Variants in ST8SIA6 observed in about 807,000 individuals in gnomAD.
ST8SIA6 encodes the protein alpha-2,8-sialyltransferase 8F.
A neutral mutation model predicts 33.6 loss-of-function variants in ST8SIA6; 39 were observed. That is an observed-to-expected ratio of 1.16 (90% CI 0.90 to 1.52). The LOEUF (loss-of-function observed/expected upper bound fraction) is 1.52, where lower values mean the gene tolerates loss of function less well. Ranked by LOEUF, ST8SIA6 falls within the 40% of genes most tolerant of loss-of-function variation. The pLI is 0.00. For synonymous variants in ST8SIA6, 172 were observed against 167.2 expected (o/e 1.03, Z -0.22); for missense variants, 441 against 443.8 (o/e 0.99, Z 0.06).
At chr10:17,446,988 C>CA (rs1466574733) in intron 2 of ST8SIA6, among the ~76,000 whole-genome samples, 1 of 127,412 alleles carries the variant, frequency 7.8e-6, no homozygotes, top group Non-Finnish European at 1.6e-5. Context: ...GCAGAGGTTG[C>CA]AGTGAGCCAA....
At chr10:17,432,113 G>C (rs1349514441) in intron 2 of ST8SIA6, among the ~76,000 whole-genome samples, 1 of 152,168 alleles carries the variant, frequency 6.6e-6, no homozygotes, top group Non-Finnish European at 1.5e-5. Context: ...CAAGGCGCCA[G>C]AGCATACTAT....
In ST8SIA6 at chr10:17,319,210, G is replaced by A. The variant is rs1197524813; in HGVS notation, c.*1668C>T. ...ATCAGCTATGTAAATCATAAAACAT[G>A]CGTCACAGTTCTTGTCGCTCTGTAA... On this transcript the variant is annotated 3_prime_UTR_variant, in exon 8 of 8. Coordinates refer to ENST00000377602, the MANE Select transcript of ST8SIA6 (RefSeq NM_001004470.3). 9.9e-5 allele frequency among the ~76,000 whole-genome samples: 15 copies of A among 152,156 alleles called. No individual in the cohort carries two copies. Among genetic ancestry groups the A allele is most frequent in the Admixed American group, 9.8e-4 (15 of 15,270 alleles).
intron 4 of ST8SIA6, among the ~76,000 whole-genome samples, chr10:17,354,047 A>G (rs1849115500): frequency 6.6e-6 from 1 of 152,216 alleles, no homozygotes; most frequent in African/African-American, 2.4e-5. Flanking sequence ...AAACTATTCA[A>G]GAAAGCTAAT....
chr10:17,354,283 C>T (rs181467272), intron 4 of ST8SIA6, among the ~76,000 whole-genome samples: 1 of 152,222 alleles, frequency 6.6e-6, no homozygotes, highest in Admixed American at 6.5e-5. Context: ...GTGTCACGCT[C>T]AAGCAAATGA....
At chr10:17,394,327 T>C (rs1043314209) in intron 2 of ST8SIA6, among the ~76,000 whole-genome samples, 2 of 151,054 alleles carry the variant, frequency 1.3e-5, no homozygotes, top group African/African-American at 4.9e-5. Flanking sequence ...TCTCTGACTT[T>C]AGCTCTTGAG....
Position 17,321,286 on chromosome 10 carries a change from A to C in ST8SIA6, c.789T>G (p.Asp263Glu), listed in dbSNP as rs1276700371. Residue 263 changes from aspartate (D) to glutamate (E), a missense_variant, in exon 8 of 8, where the codon GAT (aspartate) becomes GAG (glutamate). Transcript: ENST00000377602. Reference sequence around the variant, plus strand: ...AAAATGCTGGCAGAAGAAAAAATGCATCTCCATAGGTTGCAATGTCCTCCA... The same window carrying C: ...AAAATGCTGGCAGAAGAAAAAATGCCTCTCCATAGGTTGCAATGTCCTCCA... ...LFLEDIATYG[D>E]AFFLLPAFSF... 3 of 1,613,968 alleles carry C rather than the reference A, an allele frequency of 1.9e-6. No homozygotes were observed. Among genetic ancestry groups the C allele is most frequent in the Non-Finnish European group, 2.5e-6 (3 of 1,179,920 alleles).
At chr10:17,422,009 A>G (rs943806218) in intron 2 of ST8SIA6, among the ~76,000 whole-genome samples, 6 of 151,896 alleles carry the variant, frequency 4.0e-5, no homozygotes, top group Non-Finnish European at 7.4e-5. Flanking sequence ...AGACTATACT[A>G]TAGATTTTAT....
At chr10:17,385,219 C>G (rs442395) in intron 3 of ST8SIA6, among the ~76,000 whole-genome samples, 59,847 of 151,998 alleles carry the variant, frequency 0.39, 12,205 homozygotes, top group East Asian at 0.64. Context: ...GGCCTTCCTT[C>G]GAAAAGCTCA....
At chr10:17,407,366 C>G (rs1296026318) in intron 2 of ST8SIA6, among the ~76,000 whole-genome samples, 6 of 152,164 alleles carry the variant, frequency 3.9e-5, no homozygotes, top group Non-Finnish European at 1.5e-5. Context: ...TGACACTTGC[C>G]ATCAGAGGGC....
intron 3 of ST8SIA6, among the ~76,000 whole-genome samples, chr10:17,360,730 A>AG (rs2131619094): frequency 6.6e-6 from 1 of 152,220 alleles, no homozygotes; most frequent in Admixed American, 6.5e-5. Context: ...AATAATCCAA[A>AG]GGCAGGCAGA....
chr10:17,404,549 A>C (rs1015121352), intron 2 of ST8SIA6, among the ~76,000 whole-genome samples: 7 of 152,124 alleles, frequency 4.6e-5, no homozygotes, highest in Admixed American at 1.3e-4. Context: ...GTTTGGCCAG[A>C]ATCCCCTATG....
At chr10:17,453,042 A>AAG (rs202239675) in intron 2 of ST8SIA6, among the ~76,000 whole-genome samples, 1,936 of 152,128 alleles carry the variant, frequency 0.013, 32 homozygotes, top group African/African-American at 0.044. Context: ...AATCTGAAAA[A>AAG]AAAACAATTA....
intron 4 of ST8SIA6, among the ~76,000 whole-genome samples, chr10:17,332,514 G>A: frequency 6.6e-6 from 1 of 152,248 alleles, no homozygotes; most frequent in Non-Finnish European, 1.5e-5. Context: ...TCCCACACTG[G>A]AGTACAGTAG....
chr10:17,347,248 A>G (rs1848868109), intron 4 of ST8SIA6, among the ~76,000 whole-genome samples: 1 of 152,182 alleles, frequency 6.6e-6, no homozygotes, highest in African/African-American at 2.4e-5. Flanking sequence ...CAGACCAGAG[A>G]TGGGTGGTGA....
intron 3 of ST8SIA6, among the ~76,000 whole-genome samples, chr10:17,360,918 AGG>A (rs570135781): frequency 7.6e-6 from 1 of 131,010 alleles, no homozygotes; most frequent in Non-Finnish European, 1.6e-5. Flanking sequence ...AAGAGGAAGA[AGG>A]GAAGAAGAAG....
chr10:17,418,758 C>T (rs766403233), intron 2 of ST8SIA6, among the ~76,000 whole-genome samples: 15 of 152,110 alleles, frequency 9.9e-5, no homozygotes, highest in Non-Finnish European at 1.8e-4. Flanking sequence ...TTTGGGAGGC[C>T]GAGGCAGGTG....
At chr10:17,447,935 C>G (rs111662497) in intron 2 of ST8SIA6, among the ~76,000 whole-genome samples, 3,364 of 152,082 alleles carry the variant, frequency 0.022, 47 homozygotes, top group African/African-American at 0.035. Context: ...GAGTAGCTGG[C>G]ATTACAGACA....
intron 2 of ST8SIA6, among the ~76,000 whole-genome samples, chr10:17,407,774 TCTC>T (rs1451477786): frequency 6.6e-6 from 1 of 152,114 alleles, no homozygotes; most frequent in Non-Finnish European, 1.5e-5. Context: ...TTCTTAAAAG[TCTC>T]CTGGATCAAG....
intron 4 of ST8SIA6, among the ~76,000 whole-genome samples, chr10:17,347,468 C>A (rs1439424415): frequency 2.0e-5 from 3 of 151,616 alleles, no homozygotes; most frequent in Non-Finnish European, 4.4e-5. Flanking sequence ...AAGGTGGTGA[C>A]CTGTTGTGGT....
Sources: allele counts gnomAD v4.1 joint callset (sites outside exome capture counted in the v4.1 genomes callset), GRCh38; gene constraint gnomAD v4.1.1; transcripts MANE v1.5; gene names NCBI Gene and HGNC (gene_info 2026-07-23, HGNC 2026-07-21).